SCFD2: variants seen among roughly 807,000 people sequenced by gnomAD.
The protein encoded by SCFD2 is sec1 family domain containing 2, also known as sec1 family domain-containing protein 2.
Under a neutral mutation model 58.9 loss-of-function variants are expected in SCFD2, and 54 were observed. The ratio of observed to expected loss-of-function variants is 0.92; its 90% CI spans 0.74 to 1.15. The LOEUF (loss-of-function observed/expected upper bound fraction) is 1.15, where lower values mean the gene tolerates loss of function less well. SCFD2 is among the 50% of genes most tolerant of loss of function. The pLI is 0.00. For synonymous variants in SCFD2, 321 were observed against 335.9 expected, an observed-to-expected ratio of 0.96 and a Z score of 0.49; for missense variants, 805 against 836.6, an observed-to-expected ratio of 0.96 and a Z score of 0.47.
chr4:53,296,060 C>G lies in SCFD2; in HGVS notation c.1135+17576G>C, dbSNP rs185836735. 6.9e-4 allele frequency among the ~76,000 whole-genome samples: 105 copies of G among 152,202 alleles called. 2 individuals are homozygous for G. In the East Asian group the frequency reaches 0.018, roughly 26 times the overall value. On this transcript the variant is annotated intron_variant, in intron 3 of 8. Coordinates refer to ENST00000401642, the MANE Select transcript of SCFD2 (RefSeq NM_152540.4). ...TTCCCAGTATTTTATTGACGATTTT[C>G]ACATCAATGTTCATCAGGTATATTG...
chr4:52,901,109 G>A (rs574047643), intron 7 of SCFD2, among the ~76,000 whole-genome samples: 6 of 152,332 alleles, frequency 3.9e-5, no homozygotes, highest in African/African-American at 1.4e-4. Context: ...GCGATGCCTC[G>A]ACCTGCTTTG....
intron 5 of SCFD2, among the ~76,000 whole-genome samples, chr4:52,973,628 C>T (rs1257271785): frequency 3.3e-5 from 5 of 152,150 alleles, no homozygotes; most frequent in Admixed American, 1.3e-4. Context: ...GAAACTATTC[C>T]AATCAACAGA....
At chr4:52,874,159 G>A in intron 8 of SCFD2, 98 bp from the exon 9 acceptor site, 1 of 847,774 alleles carries the variant, frequency 1.2e-6, no homozygotes, top group South Asian at 1.5e-5. Context: ...TGTCTTTGGG[G>A]GAGGGCATGA....
Position 53,253,192 on chromosome 4 carries a change from C to A in SCFD2, c.1311+20634G>T, listed in dbSNP as rs569519658. Among the ~76,000 whole-genome samples, 19 of 152,348 alleles carry A rather than the reference C, an allele frequency of 1.2e-4. No individual in the cohort carries two copies. In the East Asian group the frequency reaches 3.7e-3, roughly 29 times the overall value. ...TGCAAATCAAAACCACAATGAGATA[C>A]TATCTCCCACCAGTTAGAATGGCAA... On this transcript the variant is annotated intron_variant, in intron 4 of 8. Coordinates refer to ENST00000401642, the MANE Select transcript of SCFD2 (RefSeq NM_152540.4).
At chr4:53,093,077 G>C (rs1724519289) in intron 5 of SCFD2, among the ~76,000 whole-genome samples, 1 of 152,048 alleles carries the variant, frequency 6.6e-6, no homozygotes, top group Admixed American at 6.6e-5. Flanking sequence ...GAGGACAGAG[G>C]AGCAGGAGAT....
In SCFD2 at chr4:52,960,749, CAT is replaced by C. The variant is rs371725985; in HGVS notation, c.1562-39881_1562-39880del. Among the ~76,000 whole-genome samples, 829 of 152,056 alleles carry C rather than the reference CAT, an allele frequency of 5.5e-3. 9 individuals are homozygous for C. The highest frequency in any genetic ancestry group is 0.047 in the South Asian group (224 of 4,814). On this transcript the variant is annotated intron_variant, in intron 5 of 8. Transcript: ENST00000401642. ...ACACAACACACACACACACACCACA[CAT>C]GTGCTAATAGTACCAAAAGTCACTC...
intron 4 of SCFD2, among the ~76,000 whole-genome samples, chr4:53,221,067 T>C (rs1223857248): frequency 6.6e-6 from 1 of 152,162 alleles, no homozygotes; most frequent in Non-Finnish European, 1.5e-5. Flanking sequence ...GCAACTACAA[T>C]GGTCAAATCT....
Position 53,352,728 on chromosome 4 carries a change from T to C in SCFD2, c.877A>G (p.Ile293Val), listed in dbSNP as rs377430457. The change falls in exon 2 of 9, where the codon ATC (isoleucine) becomes GTC (valine). Residue 293 changes from isoleucine (I) to valine (V), a missense_variant. Physicochemically the swap from Ile to Val is conservative, Grantham distance 29 (BLOSUM62 3). Transcript: ENST00000401642. Reference protein sequence around the residue: ...GHHGDNLVEKIISALPQLPGH... With the variant: ...GHHGDNLVEKVISALPQLPGH... ...GGGAGCTGGGGAAGTGCTGAAATGATCTTCTCTACTAAGTTGTCTCCATGA... is the reference window on the plus strand; with the variant it reads ...GGGAGCTGGGGAAGTGCTGAAATGACCTTCTCTACTAAGTTGTCTCCATGA... 1 of 1,614,036 alleles carries C rather than the reference T, an allele frequency of 6.2e-7. No homozygotes were observed. The highest frequency in any genetic ancestry group is 8.5e-7 in the Non-Finnish European group (1 of 1,180,010).
chr4:53,280,215 A>G (rs1731467009), intron 3 of SCFD2, among the ~76,000 whole-genome samples: 1 of 152,176 alleles, frequency 6.6e-6, no homozygotes, highest in Non-Finnish European at 1.5e-5. Flanking sequence ...AGCAACCATC[A>G]TAAGAAATTT....
chr4:53,352,716 G>C lies in SCFD2; in HGVS notation c.889C>G (p.Leu297Val), dbSNP rs1734263274. 1.9e-6 allele frequency: 3 copies of C among 1,613,994 alleles called. No homozygotes were observed. The highest frequency in any genetic ancestry group is 2.5e-6 in the Non-Finnish European group (3 of 1,179,992). ...TTTGTGTGGCCTGGGAGCTGGGGAA[G>C]TGCTGAAATGATCTTCTCTACTAAG... ...DNLVEKIISALPQLPGHTNDV... is the reference protein window; with the variant it reads ...DNLVEKIISAVPQLPGHTNDV... Residue 297 changes from leucine to valine, a missense_variant, in exon 2 of 9, where the codon CTT (leucine) becomes GTT (valine). Transcript: ENST00000401642.
chr4:53,042,188 T>C (rs1312492460), intron 5 of SCFD2, among the ~76,000 whole-genome samples: 1 of 152,192 alleles, frequency 6.6e-6, no homozygotes, highest in African/African-American at 2.4e-5. Flanking sequence ...TCTCATTCTC[T>C]ATACACCACG....
intron 4 of SCFD2, among the ~76,000 whole-genome samples, chr4:53,253,212 T>C (rs920661697): frequency 1.3e-5 from 2 of 152,190 alleles, no homozygotes; most frequent in South Asian, 2.1e-4. Context: ...CCAGTTAGAA[T>C]GGCAATCATC....
intron 5 of SCFD2, among the ~76,000 whole-genome samples, chr4:52,938,937 C>A (rs910328975): frequency 1.3e-5 from 2 of 152,104 alleles, no homozygotes; most frequent in Non-Finnish European, 2.9e-5. Flanking sequence ...ACATGAGTGG[C>A]AGGGACATGT....
chr4:53,052,332 C>A lies in SCFD2; in HGVS notation c.1561+93001G>T, dbSNP rs1219934512. 3.9e-5 allele frequency among the ~76,000 whole-genome samples: 6 copies of A among 152,138 alleles called. No individual in the cohort carries two copies. The East Asian group carries it at 9.6e-4, about 24-fold the overall frequency. ...GCTCATCTTTCAGTTCTCAGCTTAA[C>A]AAGAAAAATTAAAAACAAAATCTTT... is the stretch of plus-strand genomic sequence containing the variant. On this transcript the variant is annotated intron_variant, in intron 5 of 8. Coordinates refer to ENST00000401642, the MANE Select transcript of SCFD2 (RefSeq NM_152540.4).
intron 7 of SCFD2, among the ~76,000 whole-genome samples, chr4:52,887,351 C>T (rs1482255950): frequency 2.6e-5 from 4 of 152,036 alleles, no homozygotes; most frequent in South Asian, 2.1e-4. Context: ...ATTTCATCAA[C>T]GAGGCAAAAA....
At chr4:53,248,722 C>A (rs1380685032) in intron 4 of SCFD2, among the ~76,000 whole-genome samples, 1 of 152,166 alleles carries the variant, frequency 6.6e-6, no homozygotes, top group Non-Finnish European at 1.5e-5. Flanking sequence ...TAGCAAACTC[C>A]AACAGACCTG....
chr4:53,127,413 C>A (rs1725659092), intron 5 of SCFD2, among the ~76,000 whole-genome samples: 1 of 152,126 alleles, frequency 6.6e-6, no homozygotes, highest in African/African-American at 2.4e-5. Context: ...TGTGCGCACC[C>A]CCCACCCCAA....
intron 4 of SCFD2, among the ~76,000 whole-genome samples, chr4:53,178,389 G>C (rs557343781): frequency 1.2e-4 from 18 of 152,228 alleles, no homozygotes; most frequent in Admixed American, 5.9e-4. Flanking sequence ...AGGCAAACAG[G>C]GTCTGGAGTG....
At chr4:52,919,163 G>A (rs752933121) in intron 6 of SCFD2, among the ~76,000 whole-genome samples, 4 of 152,150 alleles carry the variant, frequency 2.6e-5, no homozygotes, top group Non-Finnish European at 5.9e-5. Flanking sequence ...AAGATATATA[G>A]CTAATACATG....
Sources: gnomAD v4.1 joint callset for allele counts (sites outside exome capture counted in the v4.1 genomes callset) on GRCh38, gnomAD v4.1.1 for gene constraint, MANE v1.5 for transcripts, NCBI Gene and HGNC (gene_info 2026-07-23, HGNC 2026-07-21) for gene names.